HBS1L: variants seen among roughly 807,000 people sequenced by gnomAD.
HBS1L encodes HBS1 like translational GTPase.
Under a neutral mutation model 88.9 loss-of-function variants are expected in HBS1L, and 55 were observed. The ratio of observed to expected loss-of-function variants is 0.62; its 90% CI spans 0.50 to 0.77. The LOEUF (loss-of-function observed/expected upper bound fraction) is 0.77, where lower values mean the gene tolerates loss of function less well. Ranked by LOEUF, HBS1L falls within the 30% of genes least tolerant of loss-of-function variation. The pLI is 0.00. For missense variants in HBS1L, 741 were observed against 829.3 expected (o/e 0.89, Z 1.31); for synonymous variants, 267 against 288.5 (o/e 0.93, Z 0.76).
chr6:135,048,362 C>CA (rs1172431832), intron 2 of HBS1L, among the ~76,000 whole-genome samples: 2 of 152,180 alleles, frequency 1.3e-5, no homozygotes, highest in African/African-American at 4.8e-5. Context: ...GGTTGGAATC[C>CA]CCTCTTTAAA....
chr6:135,038,714 C>G (rs997039319), intron 4 of HBS1L, among the ~76,000 whole-genome samples: 7 of 152,126 alleles, frequency 4.6e-5, no homozygotes, highest in Non-Finnish European at 8.8e-5. Context: ...CCTCAGTTCC[C>G]CTCTTATGTC....
intron 13 of HBS1L, 150 bp from the exon 14 acceptor site, chr6:134,979,418 G>A (rs182791806): frequency 1.3e-5 from 8 of 615,358 alleles, no homozygotes; most frequent in African/African-American, 5.5e-5. Flanking sequence ...AACTGTGAGC[G>A]TTGAGGAAAA....
At position 135,033,603 on chromosome 6, in the gene HBS1L, A is replaced by AT. The variant is rs541050880; in HGVS notation, c.430+5969dup. 2.0e-3 allele frequency among the ~76,000 whole-genome samples: 307 copies of AT among 152,068 alleles called. 1 individual carries two copies. The highest frequency in any genetic ancestry group is 7.3e-3 in the African/African-American group (303 of 41,474). ...TTCTCTTACCACCCTATAATATCTA[A>AT]TTTTTTCCCCACCAAAAGAATCTCA... On this transcript the variant is annotated intron_variant, in intron 4 of 17. Transcript: ENST00000367837.
intron 8 of HBS1L, 111 bp from the exon 9 acceptor site, chr6:134,987,902 A>G: frequency 1.2e-6 from 1 of 850,204 alleles, no homozygotes; most frequent in East Asian, 3.2e-5. Context: ...GACCCTAACT[A>G]CCCCCACCAA....
chr6:135,009,225 C>G (rs1318203877), intron 4 of HBS1L, among the ~76,000 whole-genome samples: 1 of 152,096 alleles, frequency 6.6e-6, no homozygotes, highest in Non-Finnish European at 1.5e-5. Context: ...TGGCCTGTGA[C>G]ATAGCTAAAT....
chr6:135,037,203 T>G, intron 4 of HBS1L: 1 of 1,551,838 alleles, frequency 6.4e-7, no homozygotes, highest in Non-Finnish European at 8.7e-7. Context: ...AGCGATTTGC[T>G]AATTGTGACA....
intron 15 of HBS1L, among the ~76,000 whole-genome samples, chr6:134,973,880 G>T (rs1774566358): frequency 6.6e-6 from 1 of 151,664 alleles, no homozygotes; most frequent in Admixed American, 6.6e-5. Flanking sequence ...GCACAACATT[G>T]TGGAGGTACT....
intron 4 of HBS1L, among the ~76,000 whole-genome samples, chr6:135,030,632 TA>T (rs1271818651): frequency 2.0e-5 from 3 of 152,084 alleles, no homozygotes; most frequent in African/African-American, 4.8e-5. Context: ...GTAATTCTGC[TA>T]AAAGCTAATG....
chr6:134,989,719 C>T (rs1027325142), intron 8 of HBS1L, among the ~76,000 whole-genome samples: 2 of 152,180 alleles, frequency 1.3e-5, no homozygotes, highest in East Asian at 1.9e-4. Context: ...CCTAAATACT[C>T]CTGCTTTGTC....
chr6:134,975,725 C>T (rs551189562), intron 15 of HBS1L, among the ~76,000 whole-genome samples: 5 of 152,026 alleles, frequency 3.3e-5, no homozygotes, highest in East Asian at 1.9e-4. Context: ...TATGGAAGAA[C>T]GAAAACTGGA....
intron 4 of HBS1L, among the ~76,000 whole-genome samples, chr6:135,034,337 T>C (rs776800373): frequency 4.6e-5 from 7 of 152,200 alleles, no homozygotes; most frequent in Admixed American, 1.3e-4. Flanking sequence ...GACCAGCCTT[T>C]TCATTTTCAT....
intron 15 of HBS1L, among the ~76,000 whole-genome samples, chr6:134,976,182 A>G (rs1166917196): frequency 6.6e-6 from 1 of 152,208 alleles, no homozygotes; most frequent in Non-Finnish European, 1.5e-5. Flanking sequence ...TCATCGAGGA[A>G]GTACAAATCA....
chr6:134,969,730 G>A (rs1247915265), intron 15 of HBS1L, among the ~76,000 whole-genome samples: 1 of 151,852 alleles, frequency 6.6e-6, no homozygotes, highest in Non-Finnish European at 1.5e-5. Flanking sequence ...AAGAACCTGG[G>A]ATTGAATCTC....
chr6:134,975,267 A>G (rs1423928404), intron 15 of HBS1L, among the ~76,000 whole-genome samples: 1 of 152,232 alleles, frequency 6.6e-6, no homozygotes, highest in Non-Finnish European at 1.5e-5. Context: ...ATCATGGATG[A>G]CAAATGAACA....
At chr6:134,970,038 TATGTACTATTTA>T (rs1347455398) in intron 15 of HBS1L, among the ~76,000 whole-genome samples, 1 of 152,206 alleles carries the variant, frequency 6.6e-6, no homozygotes, top group Non-Finnish European at 1.5e-5. Flanking sequence ...TTATGATTTA[TATGTACTATTTA>T]ATTTATGCAG....
chr6:135,022,188 G>T (rs1240687425), intron 4 of HBS1L, among the ~76,000 whole-genome samples: 1 of 151,886 alleles, frequency 6.6e-6, no homozygotes, highest in Non-Finnish European at 1.5e-5. Context: ...CTATTCTTTG[G>T]CTAAAGTACT....
At chr6:135,000,685 G>A (rs1775427317) in intron 5 of HBS1L, among the ~76,000 whole-genome samples, 1 of 148,414 alleles carries the variant, frequency 6.7e-6, no homozygotes, top group African/African-American at 2.5e-5. Context: ...TCACTCTGTT[G>A]ACCAGGCTGG....
chr6:135,021,787 A>C (rs1776078662), intron 4 of HBS1L, among the ~76,000 whole-genome samples: 3 of 152,182 alleles, frequency 2.0e-5, no homozygotes, highest in Admixed American at 6.5e-5. Flanking sequence ...CACCTACGTA[A>C]AATTAGGCAA....
At chr6:135,024,767 A>T (rs1776179846) in intron 4 of HBS1L, among the ~76,000 whole-genome samples, 1 of 152,114 alleles carries the variant, frequency 6.6e-6, no homozygotes, top group Admixed American at 6.5e-5. Flanking sequence ...AACATTTAGT[A>T]TATTATTTTA....
Sources: gnomAD v4.1 joint callset for allele counts (sites outside exome capture counted in the v4.1 genomes callset) on GRCh38, gnomAD v4.1.1 for gene constraint, MANE v1.5 for transcripts, NCBI Gene and HGNC (gene_info 2026-07-23, HGNC 2026-07-21) for gene names.